BIRC6: variants seen among roughly 807,000 people sequenced by gnomAD.
The protein encoded by BIRC6 is dual E2 ubiquitin-conjugating enzyme/E3 ubiquitin-protein ligase BIRC6.
BIRC6 carries 98 observed loss-of-function variants against 503.3 expected under a neutral mutation model. That is an observed-to-expected ratio of 0.19 (90% CI 0.17 to 0.23). The LOEUF is 0.23. Among genes scored for constraint, BIRC6 ranks in the 10% least tolerant of loss-of-function variants. The probability of loss-of-function intolerance (pLI) is 1.00; values close to 1 mark genes in which losing one functional copy is unlikely to be tolerated. For synonymous variants in BIRC6, 2,240 were observed against 2,078.7 expected (o/e 1.08, Z -2.11); for missense variants, 5,360 against 5,806.0 (o/e 0.92, Z 2.50).
intron 43 of BIRC6, 37 bp from the exon 44 acceptor site, chr2:32,491,388 T>A: frequency 6.5e-7 from 1 of 1,550,142 alleles, no homozygotes; most frequent in Non-Finnish European, 8.7e-7. Context: ...TATTTCATGG[T>A]CCATTTCTTA....
intron 73 of BIRC6, among the ~76,000 whole-genome samples, chr2:32,616,508 C>T (rs1255506658): frequency 1.4e-5 from 2 of 143,726 alleles, no homozygotes; most frequent in Admixed American, 1.5e-4. Context: ...TGCAGTGAGC[C>T]GAGATTGTGC....
chr2:32,448,637 C>T (rs910515597), intron 21 of BIRC6, among the ~76,000 whole-genome samples, 158 bp from the exon 22 acceptor site: 2 of 146,444 alleles, frequency 1.4e-5, no homozygotes, highest in South Asian at 2.1e-4. Context: ...AGAGGGAGAC[C>T]GTGGAAGGGG....
At position 32,509,760 on chromosome 2, in the gene BIRC6, C is replaced by T. The variant is rs751651431; in HGVS notation, c.10003C>T (p.His3335Tyr). The T allele has an allele frequency of 1.1e-5, 17 of 1,613,990 alleles. No homozygotes were observed. The highest frequency in any genetic ancestry group is 1.4e-5 in the Non-Finnish European group (17 of 1,179,870). Residue 3335 changes from histidine to tyrosine, a missense_variant, in exon 52 of 74, where the codon CAT becomes TAT. Physicochemically the swap from His to Tyr is moderately conservative, Grantham distance 83. Transcript: ENST00000421745. ...KTSIGWLRLL[H>Y]HCLTHISDLE... is the part of the protein sequence containing the mutation. Reference sequence around the variant, plus strand: ...CAGTATTGGATGGTTACGGTTATTACATCATTGCCTTACTCACATAAGTGA... The same window carrying T: ...CAGTATTGGATGGTTACGGTTATTATATCATTGCCTTACTCACATAAGTGA...
intron 9 of BIRC6, among the ~76,000 whole-genome samples, chr2:32,407,963 GTTTC>G (rs1461619692): frequency 8.6e-5 from 13 of 150,950 alleles, no homozygotes; most frequent in South Asian, 2.1e-4. Context: ...TTCTTTCTTT[GTTTC>G]TTTCTTTCTT....
intron 57 of BIRC6, chr2:32,523,255 C>T (rs1221623775): frequency 1.3e-5 from 2 of 151,764 alleles, no homozygotes; most frequent in Admixed American, 1.3e-4. Context: ...TATTAGAAAC[C>T]AGAGCATTTT....
intron 9 of BIRC6, among the ~76,000 whole-genome samples, chr2:32,412,768 G>C (rs1342523593): frequency 1.3e-5 from 2 of 152,100 alleles, no homozygotes; most frequent in African/African-American, 4.8e-5. Context: ...CTTCAGAGTG[G>C]TGAAAGAAAG....
chr2:32,554,455 A>C (rs2058645140), intron 65 of BIRC6, among the ~76,000 whole-genome samples: 1 of 152,192 alleles, frequency 6.6e-6, no homozygotes, highest in Non-Finnish European at 1.5e-5. Context: ...GTTGAAAAGC[A>C]AGATATAAAT....
At chr2:32,530,411 A>G (rs937427607) in intron 60 of BIRC6, among the ~76,000 whole-genome samples, 3 of 152,028 alleles carry the variant, frequency 2.0e-5, no homozygotes, top group African/African-American at 7.2e-5. Context: ...AGGTTTCACC[A>G]TGTTGGCCAA....
intron 66 of BIRC6, among the ~76,000 whole-genome samples, chr2:32,587,639 G>T (rs148708995): frequency 2.6e-5 from 4 of 151,848 alleles, no homozygotes; most frequent in South Asian, 4.2e-4. Context: ...CATGAGAATC[G>T]CTTGAACCTG....
Position 32,442,342 on chromosome 2 carries a change from G to C in BIRC6, c.4125G>C (p.Glu1375Asp), listed in dbSNP as rs1286346141. 1.2e-6 allele frequency: 2 copies of C among 1,612,984 alleles called. No homozygotes were observed. Among genetic ancestry groups the C allele is most frequent in the Admixed American group, 3.3e-5 (2 of 59,812 alleles). The change falls in exon 19 of 74, where the codon GAG becomes GAC. Residue 1375 changes from glutamate to aspartate, a missense_variant. Glu to Asp is a conservative substitution (Grantham distance 45). Coordinates refer to ENST00000421745, the MANE Select transcript of BIRC6 (RefSeq NM_016252.4). ...NGPGSSKEGN[E>D]NLLSKTRKFL... ...TTTGCAGCTCAAAGGAAGGAAATGA[G>C]AACCTACTTTCAAAAACACGAAAAT...
At position 32,515,211 on chromosome 2, in the gene BIRC6, A is replaced by C; in HGVS notation, c.10790A>C (p.Lys3597Thr). 6.2e-7 allele frequency: 1 copy of C among 1,613,962 alleles called. No individual in the cohort carries two copies. The highest frequency in any genetic ancestry group is 8.5e-7 in the Non-Finnish European group (1 of 1,179,896). ...AGTTCATCTTTAACAGATGACTCTA[A>C]AAATGCACAAGCACCTCTCGCATTA... ...DLSSSLTDDS[K>T]NAQAPLALTE... The change falls in exon 55 of 74, where the codon AAA becomes ACA. Residue 3597 changes from lysine to threonine, a missense_variant. This residue lies in a region of BIRC6 where 878 missense variants were observed against 928.9 expected (regional missense o/e 0.95). Transcript: ENST00000421745.
At position 32,395,564 on chromosome 2, in the gene BIRC6, C is replaced by T. The variant is rs776183263; in HGVS notation, c.1005C>T (p.Leu335=). ...TGTGTTTTACTTGTAGTGTATGCCT[C>T]GTTTGTTGGGAACCTACTGATGAAC... is the stretch of plus-strand genomic sequence containing the variant. ...RAMCFTCSVC[L]VCWEPTDEPW... is the part of the protein sequence containing the mutation. The change falls in exon 6 of 74, where the codon CTC becomes CTT. Residue 335 remains leucine, a synonymous_variant. Transcript: ENST00000421745. 2.6e-5 allele frequency: 42 copies of T among 1,612,900 alleles called. No homozygotes were observed. The Middle Eastern group carries it at 8.2e-4, about 32-fold the overall frequency.
chr2:32,459,595 G>T (rs577452886), intron 23 of BIRC6, among the ~76,000 whole-genome samples: 2 of 151,858 alleles, frequency 1.3e-5, no homozygotes, highest in Admixed American at 1.3e-4. Flanking sequence ...AAAATTTAGG[G>T]CCTTTATGTA....
intron 32 of BIRC6, among the ~76,000 whole-genome samples, chr2:32,471,852 T>A (rs1334931049): frequency 2.0e-5 from 3 of 152,200 alleles, no homozygotes; most frequent in Non-Finnish European, 4.4e-5. Context: ...TTTGGAATTC[T>A]GTACATTGTC....
chr2:32,530,791 A>T (rs2056678990), intron 60 of BIRC6, among the ~76,000 whole-genome samples: 1 of 152,068 alleles, frequency 6.6e-6, no homozygotes, highest in African/African-American at 2.4e-5. Context: ...TTTCAGCACG[A>T]TTATTTCTCT....
At chr2:32,407,771 A>G (rs992605684) in intron 9 of BIRC6, among the ~76,000 whole-genome samples, 3 of 152,182 alleles carry the variant, frequency 2.0e-5, no homozygotes, top group East Asian at 1.9e-4. Flanking sequence ...AGTTCTTAGC[A>G]ATGAACAAAA....
At chr2:32,611,155 G>T (rs2062849240) in intron 72 of BIRC6, among the ~76,000 whole-genome samples, 1 of 149,472 alleles carries the variant, frequency 6.7e-6, no homozygotes, top group Admixed American at 7.4e-5. Context: ...GCCCAGGCTG[G>T]AGTGCAGTGG....
At chr2:32,443,639 C>T in intron 20 of BIRC6, 51 bp downstream of exon 20, 1 of 1,281,914 alleles carries the variant, frequency 7.8e-7, no homozygotes, top group Non-Finnish European at 1.1e-6. Flanking sequence ...TGGAACATCT[C>T]ATATGTATAC....
At chr2:32,526,135 G>C (rs889332443) in intron 59 of BIRC6, among the ~76,000 whole-genome samples, 1 of 152,158 alleles carries the variant, frequency 6.6e-6, no homozygotes, top group Non-Finnish European at 1.5e-5. Flanking sequence ...CATGACACAA[G>C]TGGAAAATTC....
Sources: gnomAD v4.1 joint callset for allele counts (sites outside exome capture counted in the v4.1 genomes callset) on GRCh38, gnomAD v4.1.1 for gene constraint, gnomAD v4.1.1 regional missense constraint, MANE v1.5 for transcripts, NCBI Gene and HGNC (gene_info 2026-07-23, HGNC 2026-07-21) for gene names.